Variants in GNL2 observed in about 807,000 individuals in gnomAD.
GNL2 encodes the protein G protein nucleolar 2.
Under a neutral mutation model 92.3 loss-of-function variants are expected in GNL2, and 51 were observed. The ratio of observed to expected loss-of-function variants is 0.55; its 90% CI spans 0.44 to 0.70. The LOEUF is 0.70. Ranked by LOEUF, GNL2 falls within the 30% of genes least tolerant of loss-of-function variation. GNL2 has a pLI of 0.00. For synonymous variants in GNL2, 283 were observed against 300.6 expected (o/e 0.94, Z 0.61); for missense variants, 844 against 895.6 (o/e 0.94, Z 0.74).
rs1281613135 is a variant in GNL2 at position 37,594,026 on chromosome 1, CA to C, written c.65-181del. 3 of 554,322 alleles carry C rather than the reference CA, an allele frequency of 5.4e-6. No homozygotes were observed. The East Asian group carries it at 8.9e-5, about 16-fold the overall frequency. 34.3% of individuals were successfully genotyped at this position (554,322 alleles called of 1,614,324 possible). ...TAGTACTTGAAGCTACATGGTATGA[CA>C]AAGCTGACCCAATCTTTGATCTTCG... On this transcript the variant is annotated intron_variant, in intron 1 of 15. Coordinates refer to ENST00000373062, the MANE Select transcript of GNL2 (RefSeq NM_013285.3).
rs1643756214 is a variant in GNL2 at position 37,580,884 on chromosome 1, G to A, written c.909+1339C>T. On this transcript the variant is annotated intron_variant, in intron 8 of 15. Transcript: ENST00000373062. Reference sequence around the variant, plus strand: ...GATCAGCTGTGACTAATATTTTACAGTCATGACAATGTAAAGACTGAATGG... The same window carrying A: ...GATCAGCTGTGACTAATATTTTACAATCATGACAATGTAAAGACTGAATGG... 2.0e-5 allele frequency among the ~76,000 whole-genome samples: 3 copies of A among 152,334 alleles called. No individual in the cohort carries two copies. In the South Asian group the frequency reaches 6.2e-4, roughly 32 times the overall value.
chr1:37,590,668 C>T, intron 4 of GNL2, 38 bp downstream of exon 4: 1 of 1,567,394 alleles, frequency 6.4e-7, no homozygotes, highest in Non-Finnish European at 8.8e-7. Flanking sequence ...TGGAGTTTGC[C>T]CAGGAAATTC....
Position 37,582,821 on chromosome 1 carries a change from A to G in GNL2, c.752T>C (p.Ile251Thr). 2 of 1,613,916 alleles carry G rather than the reference A, an allele frequency of 1.2e-6. No individual in the cohort carries two copies. Among genetic ancestry groups the G allele is most frequent in the Non-Finnish European group, 1.7e-6 (2 of 1,179,866 alleles). ...AAGGTCACATTTGTTAAGTACAAAA[A>G]TGAGGTGTTTCCAAGGTTTTTCCTT... ...LKKEKPWKHLIFVLNKCDLVP... is the reference protein window; with the variant it reads ...LKKEKPWKHLTFVLNKCDLVP... Residue 251 changes from isoleucine to threonine, a missense_variant, in exon 7 of 16, where the codon ATT becomes ACT. By Grantham distance (89) the Ile-to-Thr change is moderately conservative. Transcript: ENST00000373062.
At position 37,590,836 on chromosome 1, in the gene GNL2, CGTGT is replaced by C; in HGVS notation, c.250_253del (p.Thr84ValfsTer2). On this transcript the variant is annotated frameshift_variant, in exon 4 of 16. Coordinates refer to ENST00000373062, the MANE Select transcript of GNL2 (RefSeq NM_013285.3). LOFTEE classifies it high-confidence loss of function. Reference sequence around the variant, plus strand: ...TTGTAATGATGACTGCTTAATCACACGTGTGTTTCCTGTTTTACAAATAAAGAAT... The same window carrying C: ...TTGTAATGATGACTGCTTAATCACACGTTTCCTGTTTTACAAATAAAGAAT... 1 of 1,571,264 alleles carries C rather than the reference CGTGT, an allele frequency of 6.4e-7. No individual in the cohort carries two copies. Among genetic ancestry groups the C allele is most frequent in the Non-Finnish European group, 8.6e-7 (1 of 1,159,406 alleles).
chr1:37,586,074 C>G (rs1254482186), intron 5 of GNL2, among the ~76,000 whole-genome samples: 2 of 152,154 alleles, frequency 1.3e-5, no homozygotes, highest in African/African-American at 4.8e-5. Context: ...TAAGGAAAAA[C>G]TATACACAGT....
At chr1:37,567,938 A>G (rs1417438225) in intron 14 of GNL2, 174 bp from the exon 15 acceptor site, 1 of 612,142 alleles carries the variant, frequency 1.6e-6, no homozygotes, top group Non-Finnish European at 2.9e-6. Context: ...AGGATGCCCT[A>G]AGCCATGCTC....
intron 2 of GNL2, among the ~76,000 whole-genome samples, chr1:37,593,153 A>AG (rs1643898807): frequency 6.6e-6 from 1 of 152,212 alleles, no homozygotes; most frequent in African/African-American, 2.4e-5. Flanking sequence ...TTTCACGTAG[A>AG]GGGTGATTTA....
chr1:37,587,084 C>T (rs562094865), intron 5 of GNL2, among the ~76,000 whole-genome samples: 23 of 152,078 alleles, frequency 1.5e-4, no homozygotes, highest in Non-Finnish European at 3.2e-4. Flanking sequence ...CTGGGCAACA[C>T]GGTGAAACCT....
chr1:37,568,830 G>A, intron 13 of GNL2, 21 bp downstream of exon 13: 6 of 1,578,110 alleles, frequency 3.8e-6, no homozygotes, highest in African/African-American at 1.4e-5. Context: ...TCTGCAATTT[G>A]TGAGAAGATG....
chr1:37,572,787 G>C (rs10908356), intron 12 of GNL2, among the ~76,000 whole-genome samples: 1 of 152,022 alleles, frequency 6.6e-6, no homozygotes, highest in Non-Finnish European at 1.5e-5. Context: ...TTAGCCGGGC[G>C]TAAGTGTGGA....
chr1:37,589,584 C>T (rs1188851539), intron 4 of GNL2, among the ~76,000 whole-genome samples: 10 of 152,204 alleles, frequency 6.6e-5, no homozygotes, highest in Non-Finnish European at 1.3e-4. Context: ...GGGATTCAGG[C>T]GTGAGCCACC....
At chr1:37,567,894 A>G in intron 14 of GNL2, 130 bp from the exon 15 acceptor site, 1 of 699,892 alleles carries the variant, frequency 1.4e-6, no homozygotes. Flanking sequence ...CACAGTGGTG[A>G]GTAAAGCAGG....
intron 8 of GNL2, among the ~76,000 whole-genome samples, chr1:37,578,366 G>A (rs1418596894): frequency 6.6e-6 from 1 of 151,360 alleles, no homozygotes; most frequent in Non-Finnish European, 1.5e-5. Flanking sequence ...TTGAACCCAG[G>A]AGGCGGAGAT....
In GNL2 at chr1:37,567,018, T is replaced by A; in HGVS notation, c.2044-11A>T. On this transcript the variant is annotated splice_polypyrimidine_tract_variant and intron_variant, in intron 15 of 15. Transcript: ENST00000373062. The stretch of plus-strand genomic sequence containing the variant: ...TACTGCTCGCCTCCGCTGTAAAAAA[T>A]GGCAAGAAAAGATGAAGAAAAAAAA... The A allele has an allele frequency of 1.2e-6, 2 of 1,602,180 alleles. No homozygotes were observed.
chr1:37,574,590 C>CA (rs1256729405), intron 11 of GNL2, 75 bp downstream of exon 11: 55 of 1,468,312 alleles, frequency 3.7e-5, no homozygotes, highest in Middle Eastern at 3.5e-4. Flanking sequence ...ACATGCATAC[C>CA]AAAAAAAGGC....
intron 2 of GNL2, 148 bp downstream of exon 2, chr1:37,593,614 C>T (rs1643901227): frequency 5.2e-6 from 3 of 579,100 alleles, no homozygotes; most frequent in Non-Finnish European, 9.2e-6. Context: ...ACACTTTATC[C>T]TAACGACACT....
intron 2 of GNL2, 101 bp downstream of exon 2, chr1:37,593,661 T>C: frequency 4.0e-6 from 3 of 744,418 alleles, no homozygotes; most frequent in South Asian, 3.4e-5. Flanking sequence ...TAACTCCTAT[T>C]TGGAGGAAGT....
intron 5 of GNL2, among the ~76,000 whole-genome samples, chr1:37,585,190 C>T (rs1643833786): frequency 1.3e-5 from 2 of 151,160 alleles, no homozygotes. Context: ...TCCCAAGTAG[C>T]TGGTACTACA....
At chr1:37,587,522 A>G (rs1643864585) in intron 4 of GNL2, 27 bp from the exon 5 acceptor site, 1 of 1,501,940 alleles carries the variant, frequency 6.7e-7, no homozygotes, top group Non-Finnish European at 9.1e-7. Flanking sequence ...ATAACAGGTA[A>G]AACTAAGAAA....
Sources: gnomAD v4.1 joint callset for allele counts (sites outside exome capture counted in the v4.1 genomes callset) on GRCh38, gnomAD v4.1.1 for gene constraint, MANE v1.5 for transcripts, NCBI Gene and HGNC (gene_info 2026-07-23, HGNC 2026-07-21) for gene names.